RD3: variants seen among roughly 807,000 people sequenced by gnomAD.
RD3 encodes protein RD3.
A neutral mutation model predicts 16.9 loss-of-function variants in RD3; 11 were observed. That is an observed-to-expected ratio of 0.65 (90% CI 0.41 to 1.08). The LOEUF (loss-of-function observed/expected upper bound fraction) is 1.08, where lower values mean the gene tolerates loss of function less well. Ranked by LOEUF, RD3 falls within the 50% of genes least tolerant of loss-of-function variation. The pLI, the probability that RD3 is intolerant of heterozygous loss-of-function variation, is 0.00. For missense variants in RD3, 274 were observed against 267.4 expected (o/e 1.02, Z -0.17); for synonymous variants, 116 against 114.8 (o/e 1.01, Z -0.07).
chr1:211,486,511 A>T (rs1180695087), intron 1 of RD3, among the ~76,000 whole-genome samples: 3 of 151,510 alleles, frequency 2.0e-5, no homozygotes, highest in African/African-American at 4.9e-5. Flanking sequence ...ACAAAAAAAA[A>T]TTAGGATAAC....
rs1047786307 is a variant in RD3 at position 211,479,152 on chromosome 1, G to A, written c.472C>T (p.Arg158Cys). 9 of 1,612,668 alleles carry A rather than the reference G, an allele frequency of 5.6e-6. No individual in the cohort carries two copies. The highest frequency in any genetic ancestry group is 8.5e-7 in the Non-Finnish European group (1 of 1,179,650). ...GSLATFKTRA[R>C]ISPFASDIRT... ...ATGTCGCTGGCGAAGGGCGAGATGC[G>A]CGCGCGGGTCTTGAAGGTGGCCAGG... Residue 158 changes from arginine (R) to cysteine (C), a missense_variant, in exon 3 of 3, where the codon CGC (arginine) becomes TGC (cysteine). Transcript: ENST00000680073.
chr1:211,484,482 AG>A (rs748789339), intron 1 of RD3, among the ~76,000 whole-genome samples: 36 of 152,140 alleles, frequency 2.4e-4, no homozygotes, highest in Non-Finnish European at 4.3e-4. Context: ...TTGGCAGCAG[AG>A]GGTTCTCCTG....
In RD3 at chr1:211,476,816, T is replaced by C. The variant is rs1033723086; in HGVS notation, c.*2220A>G. ...AGGTCTTCCTTCTCTTTGGGGAGAA[T>C]AGGTACATGTAAGGTGATAGGGAAG... On this transcript the variant is annotated 3_prime_UTR_variant, in exon 3 of 3. Transcript: ENST00000680073. 1.3e-5 allele frequency: 2 copies of C among 152,220 alleles called. No homozygotes were observed. The highest frequency in any genetic ancestry group is 1.9e-4 in the East Asian group (1 of 5,170). The allele number at this position is 152,220 out of a possible 1,614,324, so 9.4% of individuals were successfully genotyped here.
In RD3 at chr1:211,479,009, C is replaced by G; in HGVS notation, c.*27G>C. ...CTATCATTCCCCCTGCAGAAGGCTCCGCTTCTGGGCAGGGAAGCGGCCGGG... is the reference window on the plus strand; with the variant it reads ...CTATCATTCCCCCTGCAGAAGGCTCGGCTTCTGGGCAGGGAAGCGGCCGGG... On this transcript the variant is annotated 3_prime_UTR_variant, in exon 3 of 3. Coordinates refer to ENST00000680073, the MANE Select transcript of RD3 (RefSeq NM_001164688.2). 6.4e-7 allele frequency: 1 copy of G among 1,572,758 alleles called. No homozygotes were observed. The highest frequency in any genetic ancestry group is 1.3e-5 in the African/African-American group (1 of 74,494).
chr1:211,488,254 G>A (rs1168191699), intron 1 of RD3, among the ~76,000 whole-genome samples: 1 of 152,160 alleles, frequency 6.6e-6, no homozygotes, highest in Non-Finnish European at 1.5e-5. Context: ...TCACCTGGAG[G>A]CCGGGAGCGG....
intron 1 of RD3, among the ~76,000 whole-genome samples, chr1:211,488,273 G>A (rs191167483): frequency 3.5e-4 from 54 of 152,236 alleles, no homozygotes; most frequent in Admixed American, 6.5e-4. Flanking sequence ...GGTGGCTCAC[G>A]ACTATAATCC....
intron 2 of RD3, 64 bp downstream of exon 2, chr1:211,481,056 C>G: frequency 6.4e-7 from 1 of 1,568,108 alleles, no homozygotes; most frequent in Non-Finnish European, 8.7e-7. Flanking sequence ...CCTCAGGCCC[C>G]TGCCACTGCA....
chr1:211,484,720 G>A (rs1705339101), intron 1 of RD3, among the ~76,000 whole-genome samples: 1 of 152,172 alleles, frequency 6.6e-6, no homozygotes, highest in African/African-American at 2.4e-5. Flanking sequence ...ACACATGGAG[G>A]TGGGTTGGGA....
chr1:211,489,713 A>G (rs74138741), intron 1 of RD3, among the ~76,000 whole-genome samples: 1 of 152,068 alleles, frequency 6.6e-6, no homozygotes, highest in Non-Finnish European at 1.5e-5. Context: ...GCACAAAAAT[A>G]AAGGATCCCC....
At position 211,477,867 on chromosome 1, in the gene RD3, C is replaced by A; in HGVS notation, c.*1169G>T. The A allele has an allele frequency of 1.3e-5, 5 of 370,430 alleles. No individual in the cohort carries two copies. The highest frequency in any genetic ancestry group is 1.9e-5 in the Non-Finnish European group (4 of 209,704). The allele number at this position is 370,430 out of a possible 1,614,324, so 22.9% of individuals were successfully genotyped here. On this transcript the variant is annotated 3_prime_UTR_variant, in exon 3 of 3. Coordinates refer to ENST00000680073, the MANE Select transcript of RD3 (RefSeq NM_001164688.2). ...CCATCCCCCTTACACCCCACTTCAA[C>A]CCCAGAGTGTGTGGGAAGGCCTCCT... is the stretch of plus-strand genomic sequence containing the variant.
rs549302755 is a variant in RD3, at chr1:211,489,286, G to A, written c.-12+2482C>T. On this transcript the variant is annotated intron_variant, in intron 1 of 2. Transcript: ENST00000680073. ...TCAGGGATTTATGAACTTGGGTGGG[G>A]AAAAAAGTCATCTTTATTTCCACTA... Among the ~76,000 whole-genome samples the A allele has an allele frequency of 1.4e-4, 21 of 152,152 alleles. 1 individual carries two copies. In the East Asian group the frequency reaches 3.9e-3, roughly 28 times the overall value.
chr1:211,477,717 G>A lies in RD3; in HGVS notation c.*1319C>T, dbSNP rs1036285556. On this transcript the variant is annotated 3_prime_UTR_variant, in exon 3 of 3. Transcript: ENST00000680073. ...TCATTCAAAAAAACTTTTTTCCACT[G>A]AGGGAATACACACTTTTCCCCCCTG... 10 of 169,252 alleles carry A rather than the reference G, an allele frequency of 5.9e-5. No homozygotes were observed. The South Asian group carries it at 8.2e-4, about 14-fold the overall frequency. The allele number at this position is 169,252 out of a possible 1,614,324, so 10.5% of individuals were successfully genotyped here.
chr1:211,480,625 C>A (rs1048329891), intron 2 of RD3, among the ~76,000 whole-genome samples: 21 of 149,586 alleles, frequency 1.4e-4, no homozygotes, highest in African/African-American at 5.2e-4. Context: ...ATGTGCAGTG[C>A]CCCAGGGTTT....
At chr1:211,483,931 C>T (rs1317141685) in intron 1 of RD3, among the ~76,000 whole-genome samples, 1 of 152,210 alleles carries the variant, frequency 6.6e-6, no homozygotes, top group Non-Finnish European at 1.5e-5. Flanking sequence ...CCTGCAAGGG[C>T]TACTGAATGT....
In RD3 at chr1:211,481,204, T is replaced by C. The variant is rs1705249497; in HGVS notation, c.212A>G (p.Tyr71Cys). ...SWLASTPRST[Y>C]DLSPIERLQL... ...CAACCGCTCAATGGGGCTGAGGTCA[T>C]AGGTGGACCGGGGTGTGCTGGCCAG... Residue 71 changes from tyrosine to cysteine, a missense_variant, in exon 2 of 3, where the codon TAT becomes TGT. Coordinates refer to ENST00000680073, the MANE Select transcript of RD3 (RefSeq NM_001164688.2). The C allele has an allele frequency of 6.2e-7, 1 of 1,614,256 alleles. No individual in the cohort carries two copies. The highest frequency in any genetic ancestry group is 1.3e-5 in the African/African-American group (1 of 75,072).
chr1:211,481,244 C>T lies in RD3; in HGVS notation c.172G>A (p.Val58Met), dbSNP rs773972641. 6.2e-7 allele frequency: 1 copy of T among 1,614,290 alleles called. No individual in the cohort carries two copies. The highest frequency in any genetic ancestry group is 8.5e-7 in the Non-Finnish European group (1 of 1,180,058). ...SNAVRKVCTG[V>M]DYSWLASTPR... ...GTGCTGGCCAGCCAGCTGTAGTCCA[C>T]ACCGGTGCAGACCTTTCTGACCGCA... The change falls in exon 2 of 3, where the codon GTG (valine) becomes ATG (methionine). Residue 58 changes from valine (V) to methionine (M), a missense_variant. Physicochemically the swap from Val to Met is conservative, Grantham distance 21. Transcript: ENST00000680073.
Position 211,479,152 on chromosome 1 carries a change from G to T in RD3, c.472C>A (p.Arg158Ser), listed in dbSNP as rs1047786307. The stretch of plus-strand genomic sequence containing the variant: ...ATGTCGCTGGCGAAGGGCGAGATGC[G>T]CGCGCGGGTCTTGAAGGTGGCCAGG... ...GSLATFKTRA[R>S]ISPFASDIRT... Residue 158 changes from arginine (R) to serine (S), a missense_variant, in exon 3 of 3, where the codon CGC becomes AGC. By Grantham distance (110) the Arg-to-Ser change is moderately radical (BLOSUM62 -1). Transcript: ENST00000680073. 2.5e-6 allele frequency: 4 copies of T among 1,612,666 alleles called. No individual in the cohort carries two copies. The highest frequency in any genetic ancestry group is 3.4e-6 in the Non-Finnish European group (4 of 1,179,650).
chr1:211,484,914 G>T (rs1705344020), intron 1 of RD3, among the ~76,000 whole-genome samples: 1 of 152,262 alleles, frequency 6.6e-6, no homozygotes, highest in Admixed American at 6.5e-5. Context: ...AGTGCTGTCT[G>T]CCCTGCTCAG....
chr1:211,478,083 T>TGACC lies in RD3; in HGVS notation c.*949_*952dup. 2 of 398,710 alleles carry TGACC rather than the reference T, an allele frequency of 5.0e-6. No homozygotes were observed. The highest frequency in any genetic ancestry group is 8.8e-6 in the Non-Finnish European group (2 of 226,122). 24.7% of individuals were successfully genotyped at this position (398,710 alleles called of 1,614,324 possible). A position where few individuals can be genotyped will look rare whatever the true frequency, so the allele number is the denominator to read the frequency against. The stretch of plus-strand genomic sequence containing the variant: ...TCTGGAGAAAGCCAGAGAGCAGGTG[T>TGACC]GACCAGCTGCAGAAAGCGGAACCCT... On this transcript the variant is annotated 3_prime_UTR_variant, in exon 3 of 3. Coordinates refer to ENST00000680073, the MANE Select transcript of RD3 (RefSeq NM_001164688.2).
Sources: gnomAD v4.1 joint callset for allele counts (sites outside exome capture counted in the v4.1 genomes callset) on GRCh38, gnomAD v4.1.1 for gene constraint, MANE v1.5 for transcripts, NCBI Gene and HGNC (gene_info 2026-07-23, HGNC 2026-07-21) for gene names.